SLC25A20: variants seen among roughly 807,000 people sequenced by gnomAD.
SLC25A20 encodes mitochondrial carnitine/acylcarnitine carrier protein.
SLC25A20 carries 29 observed loss-of-function variants against 39.7 expected under a neutral mutation model. That is an observed-to-expected ratio of 0.73 (90% CI 0.54 to 1.00). The LOEUF is 1.00. Among genes scored for constraint, SLC25A20 ranks in the 50% least tolerant of loss-of-function variants. The pLI is 0.00. For synonymous variants in SLC25A20, 103 were observed against 142.2 expected (o/e 0.72, Z 1.96); for missense variants, 333 against 379.9 (o/e 0.88, Z 1.03).
chr3:48,892,594 G>A (rs781228487), intron 1 of SLC25A20, among the ~76,000 whole-genome samples: 1 of 152,146 alleles, frequency 6.6e-6, no homozygotes, highest in South Asian at 2.1e-4. Context: ...GTCTGAAGGC[G>A]GGAAAAGACT....
At chr3:48,871,998 T>G (rs1375005164) in intron 4 of SLC25A20, among the ~76,000 whole-genome samples, 117 of 142,026 alleles carry the variant, frequency 8.2e-4, no homozygotes, top group African/African-American at 2.8e-3. Flanking sequence ...TTTTTTTTTT[T>G]TTTTTTTTTT....
chr3:48,869,078 C>G (rs993998295), intron 4 of SLC25A20, among the ~76,000 whole-genome samples: 3 of 152,110 alleles, frequency 2.0e-5, no homozygotes, highest in Non-Finnish European at 4.4e-5. Flanking sequence ...CAAATAGGAA[C>G]CTTGATTTCT....
At chr3:48,860,049 T>C (rs770645678) in intron 5 of SLC25A20, among the ~76,000 whole-genome samples, 2 of 152,162 alleles carry the variant, frequency 1.3e-5, no homozygotes, top group African/African-American at 2.4e-5. Context: ...ATGCCTTTAA[T>C]CCCAGCACTT....
chr3:48,890,272 C>T (rs1433025280), intron 2 of SLC25A20, among the ~76,000 whole-genome samples: 2 of 152,024 alleles, frequency 1.3e-5, no homozygotes, highest in African/African-American at 4.8e-5. Flanking sequence ...CTGCAAGCTC[C>T]GCCTCCTGGG....
chr3:48,871,403 T>C (rs1312796500), intron 4 of SLC25A20, among the ~76,000 whole-genome samples: 3 of 151,348 alleles, frequency 2.0e-5, no homozygotes, highest in Non-Finnish European at 4.4e-5. Flanking sequence ...CAAGGTTTAT[T>C]ATACACAGCT....
chr3:48,872,001 T>TG (rs1430137684), intron 4 of SLC25A20, among the ~76,000 whole-genome samples: 5 of 143,148 alleles, frequency 3.5e-5, no homozygotes, highest in African/African-American at 1.3e-4. Flanking sequence ...TTTTTTTTTT[T>TG]TTTTTTTTTT....
chr3:48,861,654 G>A (rs1378518072), intron 5 of SLC25A20, among the ~76,000 whole-genome samples: 1 of 152,178 alleles, frequency 6.6e-6, no homozygotes, highest in Non-Finnish European at 1.5e-5. Context: ...TTGAACCCAG[G>A]AAGTGGAGGT....
chr3:48,869,381 C>T (rs143081905), intron 4 of SLC25A20, among the ~76,000 whole-genome samples: 2 of 152,186 alleles, frequency 1.3e-5, no homozygotes, highest in African/African-American at 4.8e-5. Context: ...GGCACGGTGG[C>T]TCACACCTGT....
At chr3:48,893,852 G>GAAAA (rs978467478) in intron 1 of SLC25A20, among the ~76,000 whole-genome samples, 6 of 69,108 alleles carry the variant, frequency 8.7e-5, no homozygotes, top group Admixed American at 1.8e-4. Context: ...CTTTAAAAAA[G>GAAAA]AAAAAAAAAA....
At chr3:48,883,029 TAC>T (rs559826815) in intron 3 of SLC25A20, among the ~76,000 whole-genome samples, 1,682 of 50,964 alleles carry the variant, frequency 0.033, 31 homozygotes, top group South Asian at 0.22. Flanking sequence ...CTACTAAAAA[TAC>T]AAAAAAAAAA....
chr3:48,867,915 G>GC (rs914764049), intron 4 of SLC25A20, among the ~76,000 whole-genome samples: 2 of 151,804 alleles, frequency 1.3e-5, no homozygotes, highest in African/African-American at 4.8e-5. Flanking sequence ...ACAAAAATTA[G>GC]CCAGGCGTGG....
intron 4 of SLC25A20, among the ~76,000 whole-genome samples, chr3:48,868,254 A>C (rs2083687527): frequency 1.3e-5 from 2 of 151,788 alleles, no homozygotes; most frequent in Non-Finnish European, 2.9e-5. Context: ...GCAGAGTAGG[A>C]GGGTGTAAGA....
intron 5 of SLC25A20, among the ~76,000 whole-genome samples, chr3:48,861,754 C>T (rs768235829): frequency 1.3e-5 from 2 of 149,534 alleles, no homozygotes; most frequent in Non-Finnish European, 3.0e-5. Flanking sequence ...AGGCCGGGTG[C>T]GGTGGCTCAC....
At chr3:48,878,405 C>T (rs1326537275) in intron 4 of SLC25A20, among the ~76,000 whole-genome samples, 1 of 151,458 alleles carries the variant, frequency 6.6e-6, no homozygotes, top group East Asian at 1.9e-4. Context: ...ACAATCATGG[C>T]TCAGTGCAGC....
Position 48,859,424 on chromosome 3 carries a change from C to T in SLC25A20, c.608+131G>A, listed in dbSNP as rs2083605905. On this transcript the variant is annotated intron_variant, in intron 6 of 8. Coordinates refer to ENST00000319017, the MANE Select transcript of SLC25A20 (RefSeq NM_000387.6). Reference sequence around the variant, plus strand: ...ACAGAGTAAGAAGAGCTAGCTGGACCTCAGCAGCCACAAGAGGAAAGCAGA... The same window carrying T: ...ACAGAGTAAGAAGAGCTAGCTGGACTTCAGCAGCCACAAGAGGAAAGCAGA... The T allele has an allele frequency of 3.3e-6, 3 of 898,802 alleles. No individual in the cohort carries two copies. The South Asian group carries it at 3.9e-5, about 12-fold the overall frequency. 55.7% of individuals were successfully genotyped at this position (898,802 alleles called of 1,614,324 possible). A position where few individuals can be genotyped will look rare whatever the true frequency, so the allele number is the denominator to read the frequency against.
intron 2 of SLC25A20, among the ~76,000 whole-genome samples, chr3:48,890,821 A>AT: frequency 6.7e-6 from 1 of 148,944 alleles, no homozygotes; most frequent in Non-Finnish European, 1.5e-5. Flanking sequence ...CGTCCGGCTA[A>AT]TTTTTTGTAT....
At chr3:48,867,482 T>A (rs1410121335) in intron 4 of SLC25A20, among the ~76,000 whole-genome samples, 5 of 149,112 alleles carry the variant, frequency 3.4e-5, no homozygotes, top group Non-Finnish European at 4.5e-5. Flanking sequence ...CTTGAACTCC[T>A]AACCTCAGGT....
chr3:48,884,249 T>G lies in SLC25A20; in HGVS notation c.199-125A>C. On this transcript the variant is annotated intron_variant, in intron 2 of 8. Transcript: ENST00000319017. ...CACCTCTTCTTGAAGCAAGGAGAACTTTAAATGGAAGAAAATCTCCCACAT... is the reference window on the plus strand; with the variant it reads ...CACCTCTTCTTGAAGCAAGGAGAACGTTAAATGGAAGAAAATCTCCCACAT... 3 of 1,205,034 alleles carry G rather than the reference T, an allele frequency of 2.5e-6. No homozygotes were observed. The South Asian group carries it at 3.7e-5, about 15-fold the overall frequency. 74.6% of individuals were successfully genotyped at this position (1,205,034 alleles called of 1,614,324 possible). A position where few individuals can be genotyped will look rare whatever the true frequency, so the allele number is the denominator to read the frequency against.
Position 48,892,076 on chromosome 3 carries a change from A to G in SLC25A20, c.106-4T>C, listed in dbSNP as rs1362119078. On this transcript the variant is annotated splice_region_variant and splice_polypyrimidine_tract_variant and intron_variant, in intron 1 of 8. Transcript: ENST00000319017. The stretch of plus-strand genomic sequence containing the variant: ...GTGGCTGTGTCTGCAGTCGGACCTG[A>G]AAACAGAAGTTAAAATGCAGTCACC... 1 of 1,613,140 alleles carries G rather than the reference A, an allele frequency of 6.2e-7. No homozygotes were observed. Among genetic ancestry groups the G allele is most frequent in the East Asian group, 2.2e-5 (1 of 44,878 alleles).
Sources: allele counts gnomAD v4.1 joint callset (sites outside exome capture counted in the v4.1 genomes callset), GRCh38; gene constraint gnomAD v4.1.1; transcripts MANE v1.5; gene names NCBI Gene and HGNC (gene_info 2026-07-23, HGNC 2026-07-21).